ARHGAP15: variants seen among roughly 807,000 people sequenced by gnomAD.
ARHGAP15 encodes rho GTPase-activating protein 15.
In ARHGAP15, 51 loss-of-function variants were observed where a neutral mutation model predicts 63.7. That is an observed-to-expected ratio of 0.80 (90% CI 0.64 to 1.01). ARHGAP15 has a LOEUF of 1.01. Ranked by LOEUF, ARHGAP15 falls within the 50% of genes least tolerant of loss-of-function variation. The probability of loss-of-function intolerance (pLI) is 0.00; values close to 1 mark genes in which losing one functional copy is unlikely to be tolerated. For synonymous variants in ARHGAP15, 191 were observed against 193.8 expected, an observed-to-expected ratio of 0.99 and a Z score of 0.12; for missense variants, 560 against 564.6, an observed-to-expected ratio of 0.99 and a Z score of 0.08.
At chr2:143,387,824 C>T (rs1027821448) in intron 6 of ARHGAP15, among the ~76,000 whole-genome samples, 6 of 149,602 alleles carry the variant, frequency 4.0e-5, no homozygotes, top group Admixed American at 6.8e-5. Flanking sequence ...AATACACATA[C>T]ACACACACGC....
chr2:143,713,041 G>A (rs1028899332), intron 13 of ARHGAP15, among the ~76,000 whole-genome samples: 2 of 152,096 alleles, frequency 1.3e-5, no homozygotes, highest in African/African-American at 4.8e-5. Flanking sequence ...TTACTTCATT[G>A]AACAAGATGA....
chr2:143,378,679 A>AT (rs558146127), intron 6 of ARHGAP15, among the ~76,000 whole-genome samples: 90 of 152,176 alleles, frequency 5.9e-4, no homozygotes, highest in Middle Eastern at 3.4e-3. Flanking sequence ...AGAAACATTG[A>AT]TTGATGTGTT....
intron 6 of ARHGAP15, among the ~76,000 whole-genome samples, chr2:143,295,999 T>C (rs970883880): frequency 6.6e-6 from 1 of 152,034 alleles, no homozygotes; most frequent in Admixed American, 6.6e-5. Context: ...CTCTACGGCT[T>C]GTTACAGAGA....
At chr2:143,544,515 TA>T (rs1169443426) in intron 10 of ARHGAP15, among the ~76,000 whole-genome samples, 4 of 152,214 alleles carry the variant, frequency 2.6e-5, no homozygotes, top group Non-Finnish European at 4.4e-5. Flanking sequence ...ACACATAAAA[TA>T]GTTGGGAAAT....
intron 11 of ARHGAP15, among the ~76,000 whole-genome samples, chr2:143,586,899 A>ATCTCTC (rs1216029870): frequency 1.3e-5 from 2 of 149,166 alleles, no homozygotes; most frequent in African/African-American, 2.5e-5. Context: ...CAATCTCTCA[A>ATCTCTC]TCTCTCTCTC....
At chr2:143,230,347 G>C (rs1312093060) in intron 5 of ARHGAP15, among the ~76,000 whole-genome samples, 1 of 152,090 alleles carries the variant, frequency 6.6e-6, no homozygotes, top group South Asian at 2.1e-4. Context: ...ATAATTATCA[G>C]CTGTTAAATT....
rs1257753653 is a variant in ARHGAP15 at position 143,186,450 on chromosome 2, A to G, written c.166-15684A>G. On this transcript the variant is annotated intron_variant, in intron 2 of 13. Transcript: ENST00000295095. The stretch of plus-strand genomic sequence containing the variant: ...AACATGTCCTTTTTGCATGTGACCA[A>G]AATCATTGGTTCCTAGGTATGTTTT... 3.3e-5 allele frequency among the ~76,000 whole-genome samples: 5 copies of G among 152,260 alleles called. No homozygotes were observed. In the East Asian group the frequency reaches 9.6e-4, roughly 29 times the overall value.
chr2:143,474,139 G>A (rs1218245969), intron 8 of ARHGAP15, among the ~76,000 whole-genome samples: 2 of 152,146 alleles, frequency 1.3e-5, no homozygotes, highest in Non-Finnish European at 2.9e-5. Context: ...CTGTAGGGGT[G>A]TCCTGGCATT....
chr2:143,164,425 A>G (rs1690421317), intron 2 of ARHGAP15, among the ~76,000 whole-genome samples: 1 of 152,056 alleles, frequency 6.6e-6, no homozygotes, highest in Admixed American at 6.6e-5. Context: ...TCTCTATATG[A>G]AATCTCATAT....
At chr2:143,195,600 A>C (rs1420745276) in intron 2 of ARHGAP15, among the ~76,000 whole-genome samples, 1 of 152,192 alleles carries the variant, frequency 6.6e-6, no homozygotes, top group Non-Finnish European at 1.5e-5. Context: ...GGATACACCA[A>C]AAAAACTTTT....
intron 9 of ARHGAP15, among the ~76,000 whole-genome samples, chr2:143,517,841 C>T (rs1693887964): frequency 6.6e-6 from 1 of 152,196 alleles, no homozygotes; most frequent in South Asian, 2.1e-4. Flanking sequence ...AATGCAAAGT[C>T]CCTGCAGCAG....
chr2:143,611,785 T>A (rs1044877230), intron 11 of ARHGAP15, among the ~76,000 whole-genome samples: 39 of 152,200 alleles, frequency 2.6e-4, no homozygotes, highest in African/African-American at 8.9e-4. Context: ...TTAAAAATCC[T>A]AGCTACTCTT....
At chr2:143,537,685 C>T (rs546063648) in intron 10 of ARHGAP15, among the ~76,000 whole-genome samples, 11 of 152,210 alleles carry the variant, frequency 7.2e-5, no homozygotes, top group South Asian at 2.1e-4. Context: ...GATCAGATGG[C>T]TGTAGATATG....
chr2:143,367,257 T>C (rs1002376068), intron 6 of ARHGAP15, among the ~76,000 whole-genome samples: 1 of 152,056 alleles, frequency 6.6e-6, no homozygotes, highest in Non-Finnish European at 1.5e-5. Flanking sequence ...ACCTCTACCT[T>C]TGCTGTCAAT....
intron 13 of ARHGAP15, among the ~76,000 whole-genome samples, chr2:143,710,062 A>C (rs1684508647): frequency 6.6e-6 from 1 of 152,242 alleles, no homozygotes. Flanking sequence ...TCTTTCACCC[A>C]ACCACAATAC....
At chr2:143,292,341 A>G (rs972481016) in intron 6 of ARHGAP15, among the ~76,000 whole-genome samples, 1 of 152,164 alleles carries the variant, frequency 6.6e-6, no homozygotes, top group African/African-American at 2.4e-5. Context: ...TATATAATGC[A>G]GGAAGATGCC....
intron 12 of ARHGAP15, among the ~76,000 whole-genome samples, chr2:143,701,944 A>G (rs375581813): frequency 8.5e-5 from 13 of 152,170 alleles, no homozygotes; most frequent in South Asian, 2.1e-4. Flanking sequence ...ATGCTCTCCC[A>G]GAAGGCCTGA....
At chr2:143,247,186 A>T in intron 5 of ARHGAP15, 1 of 152,474 alleles carries the variant, frequency 6.6e-6, no homozygotes, top group Non-Finnish European at 1.5e-5. Flanking sequence ...CAGGGGAATG[A>T]GGCTTTGAGT....
At chr2:143,300,213 A>C (rs1682832997) in intron 6 of ARHGAP15, among the ~76,000 whole-genome samples, 1 of 152,016 alleles carries the variant, frequency 6.6e-6, no homozygotes, top group Non-Finnish European at 1.5e-5. Context: ...TGGCACATGG[A>C]AATACATCAT....
Sources: gnomAD v4.1 joint callset for allele counts (sites outside exome capture counted in the v4.1 genomes callset) on GRCh38, gnomAD v4.1.1 for gene constraint, MANE v1.5 for transcripts, NCBI Gene and HGNC (gene_info 2026-07-23, HGNC 2026-07-21) for gene names.